Variants in GRM6 observed in about 807,000 individuals in gnomAD.
The protein encoded by GRM6 is glutamate metabotropic receptor 6, also known as metabotropic glutamate receptor 6.
In GRM6, 73 loss-of-function variants were observed where a neutral mutation model predicts 78.4. The observed-to-expected ratio is 0.93, with a 90% CI of 0.77 to 1.13. The LOEUF (loss-of-function observed/expected upper bound fraction) is 1.13. Ranked by LOEUF, GRM6 falls within the 50% of genes most tolerant of loss-of-function variation. The pLI, the probability that GRM6 is intolerant of heterozygous loss-of-function variation, is 0.00. For missense variants in GRM6, 1,251 were observed against 1,256.4 expected, an observed-to-expected ratio of 1.00 and a Z score of 0.07; for synonymous variants, 580 against 555.0, an observed-to-expected ratio of 1.05 and a Z score of -0.63.
chr5:178,992,656 G>C lies in GRM6; in HGVS notation c.505-573C>G, dbSNP rs1179144921. Among the ~76,000 whole-genome samples, 1 of 152,172 alleles carries C rather than the reference G, an allele frequency of 6.6e-6. No individual in the cohort carries two copies. Among genetic ancestry groups the C allele is most frequent in the Non-Finnish European group, 1.5e-5 (1 of 68,030 alleles). On this transcript the variant is annotated intron_variant, in intron 2 of 10. Coordinates refer to ENST00000517717, the MANE Select transcript of GRM6 (RefSeq NM_000843.4). The surrounding 1 kb of genome is among the most constrained non-coding windows in gnomAD (Gnocchi z 4.9). Reference sequence around the variant, plus strand: ...CAGAGACCAGAGGCTGAACTGACCGGGGAGTGTGGAGGCAGAGACACGGGG... The same window carrying C: ...CAGAGACCAGAGGCTGAACTGACCGCGGAGTGTGGAGGCAGAGACACGGGG...
chr5:178,989,218 C>T (rs771448651), intron 6 of GRM6, 47 bp downstream of exon 6: 2 of 1,013,760 alleles, frequency 2.0e-6, no homozygotes, highest in East Asian at 2.5e-5. Context: ...CCCACCCTCA[C>T]CACCCTCCCC....
intron 5 of GRM6, chr5:178,989,659 A>C (rs973364065): frequency 1.7e-6 from 1 of 580,898 alleles, no homozygotes; most frequent in African/African-American, 1.9e-5. Context: ...AGCCAACTGG[A>C]GGTTCCAGGG....
rs62638196 is a variant in GRM6 at position 178,994,862 on chromosome 5, C to T, written c.83G>A (p.Arg28His). Residue 28 changes from arginine to histidine, a missense_variant, in exon 2 of 11, where the codon CGC becomes CAC. Transcript: ENST00000517717. ...CGCCAGGCGCACAGAGCCCGCCGCG[C>T]GCGCCAGGCCCGCCTGCGCCAGCCA... ...LAWLAQAGLA[R>H]AAGSVRLAGG... is the part of the protein sequence containing the mutation. 4.2e-6 allele frequency: 5 copies of T among 1,195,974 alleles called. No homozygotes were observed. Among genetic ancestry groups the T allele is most frequent in the Non-Finnish European group, 4.1e-6 (4 of 965,374 alleles). 74.1% of individuals were successfully genotyped at this position (1,195,974 alleles called of 1,614,324 possible). A position where few individuals can be genotyped will look rare whatever the true frequency, so the allele number is the denominator to read the frequency against.
In GRM6 at chr5:178,992,753, G is replaced by A. The variant is rs1007687670; in HGVS notation, c.505-670C>T. Among the ~76,000 whole-genome samples, 4 of 152,036 alleles carry A rather than the reference G, an allele frequency of 2.6e-5. No individual in the cohort carries two copies. The highest frequency in any genetic ancestry group is 9.7e-5 in the African/African-American group (4 of 41,384). ...GGCTATAGCAGGAGCTGGTGTGAAGGCCAGAGAGGGGGAGTTTCTGGAAGG... is the reference window on the plus strand; with the variant it reads ...GGCTATAGCAGGAGCTGGTGTGAAGACCAGAGAGGGGGAGTTTCTGGAAGG... On this transcript the variant is annotated intron_variant, in intron 2 of 10. Coordinates refer to ENST00000517717, the MANE Select transcript of GRM6 (RefSeq NM_000843.4). The surrounding 1 kb of genome is among the most constrained non-coding windows in gnomAD (Gnocchi z 4.9).
chr5:178,982,261 C>T (rs564189996), intron 10 of GRM6, among the ~76,000 whole-genome samples: 6 of 152,252 alleles, frequency 3.9e-5, no homozygotes, highest in East Asian at 1.9e-4. Flanking sequence ...AATGGGCTGA[C>T]GCATTAATGG....
At chr5:178,985,291 G>A (rs1760488857) in intron 9 of GRM6, 1 of 456,104 alleles carries the variant, frequency 2.2e-6, no homozygotes, top group Non-Finnish European at 4.4e-6. Context: ...ATCTCTGGAG[G>A]CCCACACTCC....
chr5:178,994,587 G>A lies in GRM6; in HGVS notation c.358C>T (p.Arg120Cys). Residue 120 changes from arginine to cysteine, a missense_variant, in exon 2 of 11, where the codon CGC (arginine) becomes TGC (cysteine). By Grantham distance (180) the Arg-to-Cys change is radical. Transcript: ENST00000517717. ...LSFVQALIRG[R>C]GDGDEVGVRC... is the part of the protein sequence containing the mutation. The stretch of plus-strand genomic sequence containing the variant: ...ACGCCCACCTCGTCGCCGTCGCCGC[G>A]GCCGCGGATCAGCGCCTGCACGAAG... 7.4e-7 allele frequency: 1 copy of A among 1,345,660 alleles called. No homozygotes were observed. The highest frequency in any genetic ancestry group is 9.5e-7 in the Non-Finnish European group (1 of 1,052,374). 83.4% of individuals were successfully genotyped at this position (1,345,660 alleles called of 1,614,324 possible).
At position 178,991,711 on chromosome 5, in the gene GRM6, C is replaced by A. The variant is rs765100833; in HGVS notation, c.722-152G>T. 3.4e-6 allele frequency: 4 copies of A among 1,167,774 alleles called. No individual in the cohort carries two copies. The highest frequency in any genetic ancestry group is 1.8e-5 in the Admixed American group (1 of 55,908). 72.3% of individuals were successfully genotyped at this position (1,167,774 alleles called of 1,614,324 possible). The stretch of plus-strand genomic sequence containing the variant: ...CGCCAAGCCTGAGGCAGGGCTGAGT[C>A]GTCCAAAACAAAGAGGTCCCGCCCA... On this transcript the variant is annotated intron_variant, in intron 3 of 10. Coordinates refer to ENST00000517717, the MANE Select transcript of GRM6 (RefSeq NM_000843.4). The surrounding 1 kb of genome is among the most constrained non-coding windows in gnomAD (Gnocchi z 5.0).
intron 9 of GRM6, chr5:178,985,557 G>A (rs34858541): frequency 2.1e-5 from 7 of 338,174 alleles, no homozygotes; most frequent in East Asian, 8.2e-5. Flanking sequence ...CAAAAAATTA[G>A]CCGGGCGTGG....
rs763345446 is a variant in GRM6, at chr5:178,981,631, A to T, written c.*26T>A. ...GCAAGAGGAAGAAAGGAGAGGCAGC[A>T]AGCAGTCCCGTTCCCACCTGCCCTG... On this transcript the variant is annotated 3_prime_UTR_variant, in exon 11 of 11. Coordinates refer to ENST00000517717, the MANE Select transcript of GRM6 (RefSeq NM_000843.4). This position sits in a 1 kb window ranked among gnomAD's most constrained non-coding sequence, Gnocchi z 5.1. The T allele has an allele frequency of 3.2e-6, 5 of 1,567,512 alleles. No individual in the cohort carries two copies. In the South Asian group the frequency reaches 4.4e-5, roughly 14 times the overall value.
At chr5:178,987,055 G>T in intron 7 of GRM6, 72 bp from the exon 8 acceptor site, 1 of 1,483,804 alleles carries the variant, frequency 6.7e-7, no homozygotes, top group Non-Finnish European at 9.3e-7. Flanking sequence ...AGGCCCCAGG[G>T]ACCAGCAGGA....
chr5:178,989,215 T>TGCCCCC, intron 6 of GRM6, 50 bp downstream of exon 6: 8 of 886,654 alleles, frequency 9.0e-6, no homozygotes, highest in East Asian at 3.3e-5. Flanking sequence ...CTCCCCACCC[T>TGCCCCC]CACCACCCTC....
Position 178,991,421 on chromosome 5 carries a change from C to T in GRM6, c.857+3G>A. 3.7e-6 allele frequency: 6 copies of T among 1,613,978 alleles called. No individual in the cohort carries two copies. Among genetic ancestry groups the T allele is most frequent in the Non-Finnish European group, 5.1e-6 (6 of 1,179,894 alleles). ...GGGCCCGGTGATTGTGCCACTGTCC[C>T]ACCTGATGTCATCCTCATTGGCAAA... is the stretch of plus-strand genomic sequence containing the variant. On this transcript the variant is annotated splice_donor_region_variant and intron_variant, in intron 4 of 10. Transcript: ENST00000517717. The surrounding 1 kb of genome is among the most constrained non-coding windows in gnomAD (Gnocchi z 5.0).
chr5:178,991,866 C>T lies in GRM6; in HGVS notation c.721+1G>A. The stretch of plus-strand genomic sequence containing the variant: ...TTGGTGCCTCGGAGCCCCCAGCTCA[C>T]CAGCCTCTCGGGAGATCTGAACGAA... On this transcript the variant is annotated splice_donor_variant, in intron 3 of 10. Transcript: ENST00000517717. LOFTEE classifies it high-confidence loss of function. The surrounding 1 kb of genome is among the most constrained non-coding windows in gnomAD (Gnocchi z 5.0). 1 of 1,613,066 alleles carries T rather than the reference C, an allele frequency of 6.2e-7. No homozygotes were observed. The highest frequency in any genetic ancestry group is 8.5e-7 in the Non-Finnish European group (1 of 1,179,292).
chr5:178,987,028 G>C (rs1036644833), intron 7 of GRM6, 45 bp from the exon 8 acceptor site: 3 of 1,599,628 alleles, frequency 1.9e-6, no homozygotes, highest in Non-Finnish European at 8.5e-7. Context: ...CAGCCCAGCA[G>C]AGCTGGCCTC....
chr5:178,994,206 GC>G (rs1760731559), intron 2 of GRM6, among the ~76,000 whole-genome samples: 1 of 152,218 alleles, frequency 6.6e-6, no homozygotes, highest in Non-Finnish European at 1.5e-5. Context: ...GGTGGCACCC[GC>G]CCGGGAAGGG....
At position 178,994,877 on chromosome 5, in the gene GRM6, TGCGCCAGCCACGCCA is replaced by T; in HGVS notation, c.53_67del (p.Leu18_Ala22del). On this transcript the variant is annotated inframe_deletion, in exon 2 of 11. Coordinates refer to ENST00000517717, the MANE Select transcript of GRM6 (RefSeq NM_000843.4). ...GCCCGCCGCGCGCGCCAGGCCCGCC[TGCGCCAGCCACGCCA>T]GCGGCAGCAGCGCCACGAGCAGCGG... 2.5e-6 allele frequency: 3 copies of T among 1,204,912 alleles called. No homozygotes were observed. Among genetic ancestry groups the T allele is most frequent in the Non-Finnish European group, 3.1e-6 (3 of 968,738 alleles). The allele number at this position is 1,204,912 out of a possible 1,614,324, so 74.6% of individuals were successfully genotyped here.
In GRM6 at chr5:178,986,262, G is replaced by A. The variant is rs747435803; in HGVS notation, c.1992C>T (p.Ser664=). The A allele has an allele frequency of 1.9e-6, 3 of 1,614,164 alleles. No individual in the cohort carries two copies. In the South Asian group the frequency reaches 3.3e-5, roughly 18 times the overall value. Residue 664 remains serine (S), a synonymous_variant, in exon 9 of 11, where the codon AGC becomes AGT. Transcript: ENST00000517717. ...TGGTCTTGGTGAGCAGGGCAGAGTAGCTGAGGGTCGTGCCCAGGCCCAGGA... is the reference window on the plus strand; with the variant it reads ...TGGTCTTGGTGAGCAGGGCAGAGTAACTGAGGGTCGTGCCCAGGCCCAGGA... ...RLFLGLGTTL[S]YSALLTKTNR...
intron 2 of GRM6, 94 bp downstream of exon 2, chr5:178,994,347 C>CT: frequency 8.9e-7 from 1 of 1,125,014 alleles, no homozygotes; most frequent in Non-Finnish European, 1.2e-6. Flanking sequence ...AACGGAGACT[C>CT]TTTCAGAAGA....
Sources: gnomAD v4.1 joint callset for allele counts (sites outside exome capture counted in the v4.1 genomes callset) on GRCh38, gnomAD v4.1.1 for gene constraint, Gnocchi (gnomAD v3.1) non-coding constraint, MANE v1.5 for transcripts, NCBI Gene and HGNC (gene_info 2026-07-23, HGNC 2026-07-21) for gene names.